ASAP1: variants seen among roughly 807,000 people sequenced by gnomAD.
ASAP1 encodes ArfGAP with SH3 domain, ankyrin repeat and PH domain 1.
Under a neutral mutation model 145.2 loss-of-function variants are expected in ASAP1, and 43 were observed. That is an observed-to-expected ratio of 0.30 (90% confidence interval 0.23 to 0.38). The LOEUF (loss-of-function observed/expected upper bound fraction) is 0.38. Ranked by LOEUF, ASAP1 falls within the 10% of genes least tolerant of loss-of-function variation. ASAP1 has a pLI of 1.00. For missense variants in ASAP1, 1,018 were observed against 1,355.3 expected (o/e 0.75, Z 3.91); for synonymous variants, 546 against 515.5 (o/e 1.06, Z -0.80).
rs1402532910 is a variant in ASAP1, at chr8:130,054,767, G to C, written c.3354C>G (p.Val1118=). Residue 1118 remains valine, a synonymous_variant, in exon 30 of 30, where the codon GTC becomes GTG. Coordinates refer to ENST00000518721, the MANE Select transcript of ASAP1 (RefSeq NM_018482.4). ...HIEGQPERKG[V]FPVSFVHILS... is the part of the protein sequence containing the mutation. The stretch of plus-strand genomic sequence containing the variant: ...GGATATGAACAAAGGACACTGGAAA[G>C]ACCCCCTTCCTTTCAGGCTGTCCTT... The C allele has an allele frequency of 6.2e-7, 1 of 1,613,796 alleles. No individual in the cohort carries two copies. Among genetic ancestry groups the C allele is most frequent in the Non-Finnish European group, 8.5e-7 (1 of 1,179,744 alleles).
chr8:130,067,826 T>C (rs1184458521), intron 27 of ASAP1, among the ~76,000 whole-genome samples: 2 of 152,238 alleles, frequency 1.3e-5, no homozygotes, highest in African/African-American at 4.8e-5. Flanking sequence ...ATGCTGCCAT[T>C]ACATTTTGTC....
At chr8:130,216,002 AAGG>A (rs763781410) in intron 4 of ASAP1, among the ~76,000 whole-genome samples, 56 of 141,170 alleles carry the variant, frequency 4.0e-4, no homozygotes, top group African/African-American at 1.3e-3. Context: ...AAGGAAAGGA[AAGG>A]AAAGGAAAGG....
rs1246765090 is a variant in ASAP1, at chr8:130,054,609, A to C, written c.*122T>G. The stretch of plus-strand genomic sequence containing the variant: ...CAACACACATTATATCCCCCTCCTG[A>C]GGTGGCCCTTCCATGAGTTTCTTAC... On this transcript the variant is annotated 3_prime_UTR_variant, in exon 30 of 30. Coordinates refer to ENST00000518721, the MANE Select transcript of ASAP1 (RefSeq NM_018482.4). The C allele has an allele frequency of 1.3e-5, 10 of 789,182 alleles. No homozygotes were observed. The highest frequency in any genetic ancestry group is 5.8e-5 in the South Asian group (4 of 68,888). The allele number at this position is 789,182 out of a possible 1,614,324, so 48.9% of individuals were successfully genotyped here.
At chr8:130,436,893 G>A (rs975740514) in intron 1 of ASAP1, among the ~76,000 whole-genome samples, 26 of 151,986 alleles carry the variant, frequency 1.7e-4, no homozygotes, top group African/African-American at 6.0e-4. Flanking sequence ...GATTACCTAA[G>A]GTCAGGAGTT....
At chr8:130,324,598 T>C (rs1037270889) in intron 3 of ASAP1, among the ~76,000 whole-genome samples, 2 of 152,158 alleles carry the variant, frequency 1.3e-5, no homozygotes, top group African/African-American at 4.8e-5. Context: ...CTCAGATGTG[T>C]TCAAGGGAAT....
intron 2 of ASAP1, among the ~76,000 whole-genome samples, chr8:130,376,775 C>T (rs1233017986): frequency 4.6e-5 from 7 of 151,418 alleles, no homozygotes; most frequent in African/African-American, 7.3e-5. Flanking sequence ...TGGTGGCAGG[C>T]GCTTGTAATC....
At chr8:130,065,253 G>A (rs903896882) in intron 27 of ASAP1, among the ~76,000 whole-genome samples, 4 of 152,156 alleles carry the variant, frequency 2.6e-5, no homozygotes, top group Non-Finnish European at 5.9e-5. Context: ...GGGTCTGGAA[G>A]GGTCCTGAGC....
At chr8:130,336,269 T>A (rs1460299466) in intron 3 of ASAP1, among the ~76,000 whole-genome samples, 1 of 152,232 alleles carries the variant, frequency 6.6e-6, no homozygotes, top group African/African-American at 2.4e-5. Flanking sequence ...AAAGGGCATG[T>A]GTGCGGGAGC....
intron 3 of ASAP1, among the ~76,000 whole-genome samples, chr8:130,276,002 G>C (rs1326081479): frequency 2.6e-5 from 4 of 152,158 alleles, no homozygotes; most frequent in African/African-American, 9.7e-5. Flanking sequence ...CTATGACAGA[G>C]TGATCAAGGA....
chr8:130,347,212 GT>G (rs915727552), intron 3 of ASAP1, among the ~76,000 whole-genome samples: 1 of 152,204 alleles, frequency 6.6e-6, no homozygotes, highest in African/African-American at 2.4e-5. Context: ...GCAATGGGAT[GT>G]TTCTTTTCTG....
At position 130,194,071 on chromosome 8, in the gene ASAP1, G is replaced by A. The variant is rs79034127; in HGVS notation, c.406-5888C>T. ...AACCCCAAGAATTAAGAATTTCTCC[G>A]TGGTTATCTACACACATTCTTGAGG... On this transcript the variant is annotated intron_variant, in intron 5 of 29. Transcript: ENST00000518721. Among the ~76,000 whole-genome samples, 1,434 of 152,002 alleles carry A rather than the reference G, an allele frequency of 9.4e-3. 10 individuals are homozygous for A. The highest frequency in any genetic ancestry group is 0.015 in the Non-Finnish European group (1,010 of 67,956).
At chr8:130,318,776 TAAAA>T (rs1012637123) in intron 3 of ASAP1, among the ~76,000 whole-genome samples, 4 of 152,046 alleles carry the variant, frequency 2.6e-5, no homozygotes, top group South Asian at 2.1e-4. Context: ...ACTAGACACT[TAAAA>T]AAGCGTTTCC....
chr8:130,168,605 GAAAC>G (rs923853062), intron 10 of ASAP1, among the ~76,000 whole-genome samples: 4 of 152,004 alleles, frequency 2.6e-5, no homozygotes, highest in Non-Finnish European at 4.4e-5. Context: ...AACAAAAACA[GAAAC>G]AAACAAACAA....
chr8:130,184,540 T>G (rs1218875349), intron 7 of ASAP1, among the ~76,000 whole-genome samples: 1 of 152,242 alleles, frequency 6.6e-6, no homozygotes, highest in East Asian at 1.9e-4. Flanking sequence ...ATAAAATCAC[T>G]GAGTTTAGAT....
chr8:130,434,418 G>A (rs144496457), intron 1 of ASAP1, among the ~76,000 whole-genome samples: 156 of 152,286 alleles, frequency 1.0e-3, no homozygotes, highest in African/African-American at 3.5e-3. Context: ...CAGGTTCGTC[G>A]TATATAAAAT....
intron 3 of ASAP1, among the ~76,000 whole-genome samples, chr8:130,310,652 TAG>T (rs771033962): frequency 1.1e-4 from 17 of 151,680 alleles, no homozygotes; most frequent in Non-Finnish European, 1.9e-4. Context: ...ACACTATTTA[TAG>T]AGTCAATCAC....
intron 11 of ASAP1, among the ~76,000 whole-genome samples, chr8:130,161,684 C>T (rs1398138081): frequency 6.6e-6 from 1 of 152,122 alleles, no homozygotes; most frequent in African/African-American, 2.4e-5. Flanking sequence ...GGCCAGATTC[C>T]CTCCATATGA....
At chr8:130,261,557 T>C (rs1819899109) in intron 3 of ASAP1, among the ~76,000 whole-genome samples, 1 of 152,020 alleles carries the variant, frequency 6.6e-6, no homozygotes, top group South Asian at 2.1e-4. Flanking sequence ...CAGGGCATCT[T>C]TGATTGTGAG....
At chr8:130,321,119 C>G (rs1447593757) in intron 3 of ASAP1, among the ~76,000 whole-genome samples, 1 of 152,106 alleles carries the variant, frequency 6.6e-6, no homozygotes, top group Non-Finnish European at 1.5e-5. Context: ...ATTAAGCTAT[C>G]TTTCCTGGAA....
Sources: gnomAD v4.1 joint callset for allele counts (sites outside exome capture counted in the v4.1 genomes callset) on GRCh38, gnomAD v4.1.1 for gene constraint, MANE v1.5 for transcripts, NCBI Gene and HGNC (gene_info 2026-07-23, HGNC 2026-07-21) for gene names.